The following CDH13 variants were observed in gnomAD, a reference collection of about 807,000 sequenced individuals.
The protein encoded by CDH13 is cadherin-13.
CDH13 carries 24 observed loss-of-function variants against 63.8 expected under a neutral mutation model. The observed-to-expected ratio is 0.38, with a 90% CI of 0.27 to 0.53. The LOEUF is 0.53. Among genes scored for constraint, CDH13 ranks in the 20% least tolerant of loss-of-function variants. The pLI, the probability that CDH13 is intolerant of heterozygous loss-of-function variation, is 0.85. For synonymous variants in CDH13, 503 were observed against 355.3 expected (o/e 1.42, Z -4.67); for missense variants, 1,049 against 903.1 (o/e 1.16, Z -2.07).
At chr16:83,093,062 C>T (rs1197160452) in intron 3 of CDH13, among the ~76,000 whole-genome samples, 1 of 152,098 alleles carries the variant, frequency 6.6e-6, no homozygotes, top group African/African-American at 2.4e-5. Context: ...ATTATTATTG[C>T]TCATTTCATT....
At chr16:83,715,759 T>A (rs1908803797) in intron 10 of CDH13, among the ~76,000 whole-genome samples, 2 of 152,138 alleles carry the variant, frequency 1.3e-5, no homozygotes, top group South Asian at 4.1e-4. Context: ...TGTGATGCCT[T>A]GGCTTGGGTC....
rs1312542432 is a variant in CDH13, at chr16:82,765,734, C to A, written c.46-92628C>A. Among the ~76,000 whole-genome samples the A allele has an allele frequency of 2.6e-5, 4 of 152,158 alleles. No homozygotes were observed. In the South Asian group the frequency reaches 8.3e-4, roughly 32 times the overall value. On this transcript the variant is annotated intron_variant, in intron 1 of 13. Coordinates refer to ENST00000567109, the MANE Select transcript of CDH13 (RefSeq NM_001257.5). ...ATACCTCTGAAGAGTATTTCACAGT[C>A]TAACTCTCTGAGTGTCATGTCTTCC...
At chr16:82,761,938 G>C (rs1264553490) in intron 1 of CDH13, among the ~76,000 whole-genome samples, 1 of 152,196 alleles carries the variant, frequency 6.6e-6, no homozygotes. Context: ...TGTTTACACT[G>C]AGTTTTCACA....
intron 10 of CDH13, among the ~76,000 whole-genome samples, chr16:83,714,361 C>CATAAAAATAGATAGCATAGA (rs1908568699): frequency 6.6e-6 from 1 of 152,270 alleles, no homozygotes; most frequent in South Asian, 2.1e-4. Flanking sequence ...TCATAGATAG[C>CATAAAAATAGATAGCATAGA]TGGCATAAAA....
At chr16:82,647,186 C>G (rs1313000464) in intron 1 of CDH13, among the ~76,000 whole-genome samples, 1 of 152,150 alleles carries the variant, frequency 6.6e-6, no homozygotes. Flanking sequence ...TGAAACCTAG[C>G]TGATATGACT....
chr16:83,372,718 C>A (rs1286995900), intron 6 of CDH13, among the ~76,000 whole-genome samples: 1 of 144,176 alleles, frequency 6.9e-6, no homozygotes, highest in East Asian at 2.0e-4. Flanking sequence ...TGCCACTGCA[C>A]TCCAGCCTGG....
At chr16:83,751,160 C>T (rs1913050607) in intron 11 of CDH13, among the ~76,000 whole-genome samples, 1 of 152,134 alleles carries the variant, frequency 6.6e-6, no homozygotes, top group Non-Finnish European at 1.5e-5. Flanking sequence ...TGCCCAGCAC[C>T]TACCATGGTG....
At chr16:83,774,078 T>C (rs961066624) in intron 11 of CDH13, among the ~76,000 whole-genome samples, 26 of 152,316 alleles carry the variant, frequency 1.7e-4, no homozygotes, top group African/African-American at 6.3e-4. Flanking sequence ...GAAAAAGATC[T>C]ACTCAACTCT....
At chr16:82,740,061 G>T (rs1011186036) in intron 1 of CDH13, among the ~76,000 whole-genome samples, 1 of 152,082 alleles carries the variant, frequency 6.6e-6, no homozygotes, top group Non-Finnish European at 1.5e-5. Context: ...GAATGTGGAC[G>T]CCTATTACAA....
chr16:82,961,764 T>C (rs1027213289), intron 2 of CDH13, among the ~76,000 whole-genome samples: 2 of 152,062 alleles, frequency 1.3e-5, no homozygotes, highest in Non-Finnish European at 2.9e-5. Context: ...GGTTCTCAAG[T>C]TGGGGTGATT....
At chr16:82,901,324 C>CTCTGTGTG (rs777728162) in intron 2 of CDH13, among the ~76,000 whole-genome samples, 25 of 130,466 alleles carry the variant, frequency 1.9e-4, no homozygotes, top group African/African-American at 4.8e-4. Context: ...TAGTATTCTC[C>CTCTGTGTG]TGTGTGTGTG....
In CDH13 at chr16:82,902,441, T is replaced by C. The variant is rs377728318; in HGVS notation, c.157+43968T>C. ...TTGAGGATCATTTTGCCAGGATACA[T>C]TGGTCTTTGACAAGCAATTAAGAAG... is the stretch of plus-strand genomic sequence containing the variant. On this transcript the variant is annotated intron_variant, in intron 2 of 13. Transcript: ENST00000567109. Among the ~76,000 whole-genome samples the C allele has an allele frequency of 1.6e-3, 242 of 152,000 alleles. 1 individual carries two copies. Among genetic ancestry groups the C allele is most frequent in the African/African-American group, 5.3e-3 (220 of 41,472 alleles).
chr16:83,061,962 G>A (rs1048195747), intron 3 of CDH13, among the ~76,000 whole-genome samples: 3 of 152,200 alleles, frequency 2.0e-5, no homozygotes, highest in South Asian at 2.1e-4. Flanking sequence ...TTTGGAGCTC[G>A]AAACTGAGAT....
intron 11 of CDH13, among the ~76,000 whole-genome samples, chr16:83,770,060 G>T (rs1914660355): frequency 6.6e-6 from 1 of 152,052 alleles, no homozygotes; most frequent in Admixed American, 6.6e-5. Context: ...ACCCTGTGGG[G>T]ATGGTTTCAA....
At chr16:82,783,662 G>C (rs148663466) in intron 1 of CDH13, among the ~76,000 whole-genome samples, 428 of 152,334 alleles carry the variant, frequency 2.8e-3, no homozygotes, top group Non-Finnish European at 4.9e-3. Flanking sequence ...TGTTCAATGA[G>C]ATTCTAATTT....
chr16:82,866,059 C>G (rs1027344307), intron 2 of CDH13, among the ~76,000 whole-genome samples: 16 of 152,182 alleles, frequency 1.1e-4, no homozygotes, highest in African/African-American at 3.9e-4. Context: ...CCGCCAGTCT[C>G]TTTGCTAAAG....
intron 1 of CDH13, among the ~76,000 whole-genome samples, chr16:82,640,328 T>A (rs1043834010): frequency 1.3e-5 from 2 of 152,224 alleles, no homozygotes; most frequent in Non-Finnish European, 2.9e-5. Flanking sequence ...TGATAAAGTG[T>A]TGTTGGTCAA....
At chr16:83,035,235 A>T (rs1916743263) in intron 3 of CDH13, among the ~76,000 whole-genome samples, 1 of 152,146 alleles carries the variant, frequency 6.6e-6, no homozygotes, top group Non-Finnish European at 1.5e-5. Context: ...GCTGCTAGAG[A>T]AGAAAATCAG....
At chr16:83,234,492 G>C (rs529890903) in intron 5 of CDH13, among the ~76,000 whole-genome samples, 29 of 152,274 alleles carry the variant, frequency 1.9e-4, no homozygotes, top group Non-Finnish European at 3.7e-4. Flanking sequence ...AACCCCTTGA[G>C]GTTGGACCTA....
Sources: allele counts gnomAD v4.1 joint callset (sites outside exome capture counted in the v4.1 genomes callset), GRCh38; gene constraint gnomAD v4.1.1; transcripts MANE v1.5; gene names NCBI Gene and HGNC (gene_info 2026-07-23, HGNC 2026-07-21).